Variants in FGF14 observed in about 807,000 individuals in gnomAD.
FGF14 encodes the protein fibroblast growth factor homologous factor 4.
In FGF14, 5 loss-of-function variants were observed where a neutral mutation model predicts 25.5. The observed-to-expected ratio is 0.20, with a 90% CI of 0.10 to 0.41. The LOEUF is 0.41. Ranked by LOEUF, FGF14 falls within the 10% of genes least tolerant of loss-of-function variation. The pLI, the probability that FGF14 is intolerant of heterozygous loss-of-function variation, is 1.00. For synonymous variants in FGF14, 138 were observed against 118.3 expected (o/e 1.17, Z -1.08); for missense variants, 222 against 320.1 (o/e 0.69, Z 2.34).
chr13:101,743,727 A>C (rs945459487), intron 3 of FGF14, among the ~76,000 whole-genome samples: 4 of 152,176 alleles, frequency 2.6e-5, no homozygotes, highest in Non-Finnish European at 5.9e-5. Flanking sequence ...AGAGAAAATA[A>C]ATATTGAACA....
At chr13:102,235,328 A>G (rs990380541) in intron 1 of FGF14, among the ~76,000 whole-genome samples, 8 of 152,242 alleles carry the variant, frequency 5.3e-5, no homozygotes, top group Non-Finnish European at 1.2e-4. Flanking sequence ...TGAATAATTC[A>G]GAGATCTAAT....
At chr13:101,802,996 T>C (rs747055180) in intron 3 of FGF14, among the ~76,000 whole-genome samples, 3 of 152,108 alleles carry the variant, frequency 2.0e-5, no homozygotes, top group Non-Finnish European at 2.9e-5. Flanking sequence ...TGGGCCCCCA[T>C]TTAGCTTTAG....
At chr13:101,914,819 A>G (rs969748132) in intron 1 of FGF14, among the ~76,000 whole-genome samples, 2 of 152,268 alleles carry the variant, frequency 1.3e-5, no homozygotes, top group South Asian at 2.1e-4. Flanking sequence ...TAGACAGCCA[A>G]TTTGGAGCTG....
intron 1 of FGF14, among the ~76,000 whole-genome samples, chr13:102,237,576 T>C (rs1413222134): frequency 9.3e-6 from 1 of 107,762 alleles, no homozygotes. Context: ...TGGGGTTTTT[T>C]ACACTTCAGA....
chr13:101,944,356 AT>A (rs549613032), intron 1 of FGF14, among the ~76,000 whole-genome samples: 231 of 152,158 alleles, frequency 1.5e-3, no homozygotes, highest in African/African-American at 5.4e-3. Flanking sequence ...TTTACATATT[AT>A]TTTTTTCTTT....
intron 1 of FGF14, among the ~76,000 whole-genome samples, chr13:102,272,363 A>G (rs1354363188): frequency 6.6e-6 from 1 of 152,080 alleles, no homozygotes; most frequent in Non-Finnish European, 1.5e-5. Context: ...CTCTTTGTTT[A>G]TTTGACTTTT....
chr13:102,371,368 GTTTTTTTATTC>G (rs1410827500), intron 1 of FGF14, among the ~76,000 whole-genome samples: 1 of 151,930 alleles, frequency 6.6e-6, no homozygotes, highest in Admixed American at 6.6e-5. Context: ...GGGTTTGAGG[GTTTTTTTATTC>G]TTTTTTACTC....
intron 3 of FGF14, among the ~76,000 whole-genome samples, chr13:101,860,136 T>C (rs1047718274): frequency 3.3e-5 from 5 of 152,176 alleles, no homozygotes; most frequent in East Asian, 1.9e-4. Context: ...ACTACATCTC[T>C]TTTTCAAGAT....
chr13:102,275,319 GT>G (rs1437374426), intron 1 of FGF14, among the ~76,000 whole-genome samples: 1 of 135,436 alleles, frequency 7.4e-6, no homozygotes, highest in Non-Finnish European at 1.6e-5. Flanking sequence ...GGTCATATTT[GT>G]TTTGGTATTT....
At chr13:101,849,113 C>T (rs942929734) in intron 3 of FGF14, among the ~76,000 whole-genome samples, 11 of 152,016 alleles carry the variant, frequency 7.2e-5, no homozygotes, top group African/African-American at 2.4e-4. Flanking sequence ...TTGAATGTGA[C>T]ATGTGCCACT....
chr13:101,941,291 A>C (rs2035433749), intron 1 of FGF14, among the ~76,000 whole-genome samples: 1 of 152,218 alleles, frequency 6.6e-6, no homozygotes, highest in Non-Finnish European at 1.5e-5. Flanking sequence ...GTAGTTACCC[A>C]ATCTCAAAGC....
intron 1 of FGF14, among the ~76,000 whole-genome samples, chr13:102,144,343 T>C (rs1248064803): frequency 2.0e-5 from 3 of 152,300 alleles, no homozygotes; most frequent in Non-Finnish European, 4.4e-5. Flanking sequence ...TTTGATTAGA[T>C]CAGGATTTTT....
intron 3 of FGF14, among the ~76,000 whole-genome samples, chr13:101,813,074 G>C (rs2041659828): frequency 6.6e-6 from 1 of 152,166 alleles, no homozygotes; most frequent in African/African-American, 2.4e-5. Context: ...GACTGCCAAA[G>C]AGGTGAAGTT....
At chr13:101,914,097 ATTTTTTAAAAT>A (rs2033228052) in intron 1 of FGF14, among the ~76,000 whole-genome samples, 1 of 151,950 alleles carries the variant, frequency 6.6e-6, no homozygotes, top group Non-Finnish European at 1.5e-5. Context: ...AATAAATATG[ATTTTTTAAAAT>A]TTTCTGAGGG....
chr13:102,372,214 A>G (rs998785866), intron 1 of FGF14, among the ~76,000 whole-genome samples: 6 of 152,214 alleles, frequency 3.9e-5, no homozygotes, highest in Non-Finnish European at 8.8e-5. Flanking sequence ...CCCAACATCT[A>G]ACCCCAAAAT....
intron 1 of FGF14, among the ~76,000 whole-genome samples, chr13:102,297,135 G>T (rs769144315): frequency 6.6e-6 from 1 of 152,092 alleles, no homozygotes; most frequent in Non-Finnish European, 1.5e-5. Flanking sequence ...GATGGGAAAA[G>T]GTGGCATTTT....
intron 1 of FGF14, chr13:102,395,788 G>C (rs1240747441): frequency 1.3e-5 from 2 of 152,236 alleles, no homozygotes; most frequent in African/African-American, 4.8e-5. Flanking sequence ...TTTCTTACAT[G>C]ATGTTACCAG....
At chr13:101,728,840 C>T (rs904214251) in intron 3 of FGF14, among the ~76,000 whole-genome samples, 6 of 152,110 alleles carry the variant, frequency 3.9e-5, no homozygotes, top group African/African-American at 1.4e-4. Context: ...TGATGCTCAT[C>T]CTGTTGCTAC....
chr13:101,966,576 A>G (rs746803106), intron 1 of FGF14, among the ~76,000 whole-genome samples: 3 of 152,166 alleles, frequency 2.0e-5, no homozygotes, highest in Non-Finnish European at 2.9e-5. Flanking sequence ...TCCGCCTCCC[A>G]GGTTCAAGCA....
Sources: gnomAD v4.1 joint callset for allele counts (sites outside exome capture counted in the v4.1 genomes callset) on GRCh38, gnomAD v4.1.1 for gene constraint, MANE v1.5 for transcripts, NCBI Gene and HGNC (gene_info 2026-07-23, HGNC 2026-07-21) for gene names.